DCHS2: variants seen among roughly 807,000 people sequenced by gnomAD.
DCHS2 encodes protocadherin-23.
In DCHS2, 142 loss-of-function variants were observed where a neutral mutation model predicts 182.4. That is an observed-to-expected ratio of 0.78 (90% confidence interval 0.68 to 0.89). The LOEUF is 0.89. Among genes scored for constraint, DCHS2 ranks in the 40% least tolerant of loss-of-function variants. The pLI is 0.00. For missense variants in DCHS2, 4,319 were observed against 4,198.6 expected, an observed-to-expected ratio of 1.03 and a Z score of -0.79; for synonymous variants, 1,740 against 1,663.3, an observed-to-expected ratio of 1.05 and a Z score of -1.12.
chr4:154,391,048 C>A, intron 1 of DCHS2: 2 of 848,620 alleles, frequency 2.4e-6, no homozygotes, highest in Non-Finnish European at 3.5e-6. Context: ...TCTTCCAAGG[C>A]TTTATTTCCC....
chr4:154,309,574 T>C (rs561581608), intron 10 of DCHS2, among the ~76,000 whole-genome samples: 5 of 152,306 alleles, frequency 3.3e-5, no homozygotes, highest in African/African-American at 1.2e-4. Flanking sequence ...TCTTGCTTAC[T>C]CATTCATCCA....
At chr4:154,448,433 C>A (rs1435433883) in intron 1 of DCHS2, among the ~76,000 whole-genome samples, 5 of 152,118 alleles carry the variant, frequency 3.3e-5, no homozygotes, top group Non-Finnish European at 7.4e-5. Flanking sequence ...CTCTCAATAT[C>A]CAACCCCTTA....
chr4:154,304,588 C>G (rs1250685398), intron 12 of DCHS2, 81 bp downstream of exon 12: 1 of 1,366,228 alleles, frequency 7.3e-7, no homozygotes. Flanking sequence ...GCCATCGCGC[C>G]ACTGCACTCC....
In DCHS2 at chr4:154,259,687, A is replaced by G. The variant is rs143135263; in HGVS notation, c.6647T>C (p.Leu2216Ser). 6.2e-7 allele frequency: 1 copy of G among 1,613,998 alleles called. No homozygotes were observed. The highest frequency in any genetic ancestry group is 8.5e-7 in the Non-Finnish European group (1 of 1,180,018). ...GGCTCTATGCCCACTACTTTCAGCT[A>G]AAACGATGAGTTGAACCTCATTTCT... Reference protein sequence around the residue: ...EVRNEVQLIVLAESSGHRAYC... With the variant: ...EVRNEVQLIVSAESSGHRAYC... The change falls in exon 15 of 20, where the codon TTA (leucine) becomes TCA (serine). Residue 2216 changes from leucine to serine, a missense_variant. Coordinates refer to ENST00000357232, the MANE Select transcript of DCHS2 (RefSeq NM_001358235.2).
rs1732906360 is a variant in DCHS2, at chr4:154,417,281, C to G, written c.2053-39837G>C. ...GTCAGGGGAACTGGGAGTCATTCTT[C>G]CCGTTTACAGTGCAGACTCCCAAGT... On this transcript the variant is annotated intron_variant, in intron 1 of 19. Transcript: ENST00000357232. 5.6e-5 allele frequency among the ~76,000 whole-genome samples: 8 copies of G among 142,824 alleles called. No homozygotes were observed. In the Admixed American group the frequency reaches 5.9e-4, roughly 11 times the overall value. 93.7% of individuals were successfully genotyped at this position (142,824 alleles called of 152,430 possible). A position where few individuals can be genotyped will look rare whatever the true frequency, so the allele number is the denominator to read the frequency against.
intron 1 of DCHS2, among the ~76,000 whole-genome samples, chr4:154,438,834 T>C (rs1733883339): frequency 6.6e-6 from 1 of 152,164 alleles, no homozygotes; most frequent in South Asian, 2.1e-4. Context: ...TACAAAACAT[T>C]ACAGAAGAGT....
chr4:154,338,189 G>A (rs914744078), intron 3 of DCHS2, among the ~76,000 whole-genome samples: 3 of 151,666 alleles, frequency 2.0e-5, no homozygotes, highest in African/African-American at 4.9e-5. Flanking sequence ...CTTAATTACC[G>A]GTTTTTAATA....
In DCHS2 at chr4:154,257,100, T is replaced by C. The variant is rs142225628; in HGVS notation, c.6790-1430A>G. On this transcript the variant is annotated intron_variant, in intron 15 of 19. Coordinates refer to ENST00000357232, the MANE Select transcript of DCHS2 (RefSeq NM_001358235.2). ...CCATCTCCACTAAAAATACAAAAAT[T>C]AGCTGGGCGTGGTGGCATACGCCCA... Among the ~76,000 whole-genome samples the C allele has an allele frequency of 9.1e-3, 1,383 of 152,160 alleles. 18 individuals carry two copies. The highest frequency in any genetic ancestry group is 0.015 in the Non-Finnish European group (1,019 of 67,986).
chr4:154,255,676 A>T lies in DCHS2; in HGVS notation c.6790-6T>A. 6.2e-7 allele frequency: 1 copy of T among 1,611,318 alleles called. No individual in the cohort carries two copies. The highest frequency in any genetic ancestry group is 8.5e-7 in the Non-Finnish European group (1 of 1,178,768). On this transcript the variant is annotated splice_region_variant and splice_polypyrimidine_tract_variant and intron_variant, in intron 15 of 19. Transcript: ENST00000357232. ...TCCAAGTCGGTAGCAAAAACCTGTG[A>T]GGAACCGACTGTTTCATTAGATAAG...
chr4:154,370,946 G>C (rs1464411391), intron 2 of DCHS2, among the ~76,000 whole-genome samples: 1 of 152,168 alleles, frequency 6.6e-6, no homozygotes, highest in African/African-American at 2.4e-5. Flanking sequence ...GATTAAAGTG[G>C]ACGTGCTACA....
At chr4:154,335,553 TG>T (rs1346018924) in intron 3 of DCHS2, among the ~76,000 whole-genome samples, 2 of 152,176 alleles carry the variant, frequency 1.3e-5, no homozygotes, top group Non-Finnish European at 2.9e-5. Flanking sequence ...GGACTGAGAC[TG>T]AAGCAACACT....
At chr4:154,331,522 T>G in intron 5 of DCHS2, 1 of 1,533,676 alleles carries the variant, frequency 6.5e-7, no homozygotes, top group Non-Finnish European at 8.8e-7. Context: ...AAAGGCAGCT[T>G]GCAACCTTCT....
intron 12 of DCHS2, among the ~76,000 whole-genome samples, chr4:154,302,899 T>C (rs2111294346): frequency 6.7e-6 from 1 of 148,250 alleles, no homozygotes; most frequent in Admixed American, 6.8e-5. Context: ...TATATACGTG[T>C]ATATATACAC....
At chr4:154,388,494 A>ATTTTTTTT (rs35945131) in intron 1 of DCHS2, among the ~76,000 whole-genome samples, 1 of 130,680 alleles carries the variant, frequency 7.7e-6, no homozygotes, top group African/African-American at 2.9e-5. Flanking sequence ...AATAGATGTA[A>ATTTTTTTT]TTTTTTTTTT....
At chr4:154,439,932 A>G (rs1579084407) in intron 1 of DCHS2, among the ~76,000 whole-genome samples, 1 of 152,254 alleles carries the variant, frequency 6.6e-6, no homozygotes, top group East Asian at 1.9e-4. Flanking sequence ...CATTGTAATT[A>G]AAGGAAACAG....
chr4:154,466,695 T>G (rs1735254486), intron 1 of DCHS2, among the ~76,000 whole-genome samples: 1 of 152,330 alleles, frequency 6.6e-6, no homozygotes, highest in Non-Finnish European at 1.5e-5. Flanking sequence ...AACTATTTTT[T>G]GCCAACTTAA....
At chr4:154,258,881 T>C (rs1732832786) in intron 15 of DCHS2, among the ~76,000 whole-genome samples, 1 of 152,142 alleles carries the variant, frequency 6.6e-6, no homozygotes, top group South Asian at 2.1e-4. Flanking sequence ...GCCTGGAAGT[T>C]GGATTTATAC....
intron 1 of DCHS2, chr4:154,384,263 T>G: frequency 6.7e-7 from 1 of 1,483,144 alleles, no homozygotes; most frequent in Non-Finnish European, 9.0e-7. Context: ...TTCTGAATTA[T>G]TTGGCAGCCG....
At position 154,366,215 on chromosome 4, in the gene DCHS2, G is replaced by A. The variant is rs763155149; in HGVS notation, c.2471C>T (p.Thr824Ile). 7.0e-5 allele frequency: 113 copies of A among 1,610,754 alleles called. No individual in the cohort carries two copies. The highest frequency in any genetic ancestry group is 9.1e-5 in the Non-Finnish European group (107 of 1,177,442). ...NVSSLFTIDS[T>I]TGIIYLTLPL... ...ACTGTTCCAAGATCACATACCTGTG[G>A]TGGAGTCAATGGTAAAAAGGGACGA... The change falls in exon 3 of 20, where the codon ACC (threonine) becomes ATC (isoleucine). Residue 824 changes from threonine (T) to isoleucine (I), a missense_variant. Thr to Ile is a moderately conservative substitution (Grantham distance 89). Coordinates refer to ENST00000357232, the MANE Select transcript of DCHS2 (RefSeq NM_001358235.2).
Sources: allele counts gnomAD v4.1 joint callset (sites outside exome capture counted in the v4.1 genomes callset), GRCh38; gene constraint gnomAD v4.1.1; transcripts MANE v1.5; gene names NCBI Gene and HGNC (gene_info 2026-07-23, HGNC 2026-07-21).